Variants in DLG2 observed in about 807,000 individuals in gnomAD.
DLG2 encodes discs large MAGUK scaffold protein 2.
A neutral mutation model predicts 132.5 loss-of-function variants in DLG2; 45 were observed. The observed-to-expected ratio is 0.34, with a 90% CI of 0.27 to 0.44. DLG2 has a LOEUF of 0.44. DLG2 is among the 20% of genes least tolerant of loss of function. DLG2 has a pLI of 1.00. For missense variants in DLG2, 1,045 were observed against 1,196.9 expected, an observed-to-expected ratio of 0.87 and a Z score of 1.87; for synonymous variants, 424 against 419.6, an observed-to-expected ratio of 1.01 and a Z score of -0.13.
chr11:85,498,397 G>A (rs998369418), intron 3 of DLG2, among the ~76,000 whole-genome samples: 1 of 152,144 alleles, frequency 6.6e-6, no homozygotes, highest in African/African-American at 2.4e-5. Flanking sequence ...AAATATATAT[G>A]CACCCAATAC....
At chr11:85,610,876 C>T (rs549115864) in intron 2 of DLG2, among the ~76,000 whole-genome samples, 5 of 152,294 alleles carry the variant, frequency 3.3e-5, no homozygotes, top group Admixed American at 2.6e-4. Flanking sequence ...CTTGGAATCA[C>T]GGGCTTTTGC....
chr11:85,469,181 C>G (rs945918790), intron 3 of DLG2, among the ~76,000 whole-genome samples: 11 of 152,296 alleles, frequency 7.2e-5, no homozygotes, highest in Admixed American at 4.6e-4. Flanking sequence ...AAATATAGCT[C>G]AAATATGACT....
intron 3 of DLG2, among the ~76,000 whole-genome samples, chr11:85,483,892 CA>C (rs5793164): frequency 0.092 from 7,815 of 85,184 alleles, 215 homozygotes; most frequent in Admixed American, 0.12. Flanking sequence ...TGCAGTGAGC[CA>C]AAAAAAAAAA....
chr11:84,131,343 A>T (rs991552274), intron 9 of DLG2, among the ~76,000 whole-genome samples: 1 of 151,982 alleles, frequency 6.6e-6, no homozygotes, highest in Non-Finnish European at 1.5e-5. Flanking sequence ...CATCTTCTAA[A>T]GTAGGTCTGA....
chr11:85,042,115 T>G (rs917582376), intron 6 of DLG2, among the ~76,000 whole-genome samples: 2 of 151,898 alleles, frequency 1.3e-5, no homozygotes, highest in Non-Finnish European at 2.9e-5. Flanking sequence ...AAAAAAGGAA[T>G]GCAATTGGAG....
intron 15 of DLG2, among the ~76,000 whole-genome samples, chr11:83,892,894 C>T (rs1211267862): frequency 6.6e-6 from 1 of 152,090 alleles, no homozygotes; most frequent in African/African-American, 2.4e-5. Context: ...AAAATAAAGA[C>T]CATGATCTTC....
chr11:85,496,651 G>A (rs1024225325), intron 3 of DLG2, among the ~76,000 whole-genome samples: 1 of 152,092 alleles, frequency 6.6e-6, no homozygotes, highest in Non-Finnish European at 1.5e-5. Flanking sequence ...AGCCTGACTG[G>A]GAGACACCTC....
chr11:84,979,028 A>T (rs2055339346), intron 6 of DLG2, among the ~76,000 whole-genome samples: 1 of 152,192 alleles, frequency 6.6e-6, no homozygotes, highest in Non-Finnish European at 1.5e-5. Flanking sequence ...TCAAAATAAG[A>T]CATTTATGCA....
intron 6 of DLG2, chr11:84,923,454 G>A: frequency 4.3e-6 from 4 of 932,934 alleles, no homozygotes; most frequent in Non-Finnish European, 5.1e-6. Flanking sequence ...AAGGAGGGGG[G>A]AATGAGCTCA....
At chr11:84,850,648 A>G (rs980278929) in intron 6 of DLG2, among the ~76,000 whole-genome samples, 4 of 152,162 alleles carry the variant, frequency 2.6e-5, no homozygotes, top group Non-Finnish European at 5.9e-5. Flanking sequence ...TATACAGAGT[A>G]TCTTAAAGAA....
chr11:84,218,683 G>T (rs999440937), intron 8 of DLG2, among the ~76,000 whole-genome samples: 5 of 152,176 alleles, frequency 3.3e-5, no homozygotes, highest in African/African-American at 1.2e-4. Flanking sequence ...CAGTGATCAG[G>T]AATACATATA....
chr11:85,055,517 A>C (rs1463812861), intron 6 of DLG2, among the ~76,000 whole-genome samples: 1 of 152,184 alleles, frequency 6.6e-6, no homozygotes, highest in Non-Finnish European at 1.5e-5. Context: ...AGCTGAACAG[A>C]GAGCTGACAG....
At chr11:85,380,097 A>T (rs999006552) in intron 3 of DLG2, among the ~76,000 whole-genome samples, 15 of 152,206 alleles carry the variant, frequency 9.9e-5, no homozygotes, top group Non-Finnish European at 1.5e-5. Flanking sequence ...TCACCTAAAT[A>T]TCACCCACAG....
At chr11:83,780,047 T>C (rs1166695024) in intron 18 of DLG2, among the ~76,000 whole-genome samples, 1 of 152,192 alleles carries the variant, frequency 6.6e-6, no homozygotes, top group Non-Finnish European at 1.5e-5. Context: ...AGCTGGACTT[T>C]AAAAATCTTT....
intron 6 of DLG2, among the ~76,000 whole-genome samples, chr11:84,704,613 C>T (rs188577128): frequency 1.3e-5 from 2 of 151,252 alleles, no homozygotes; most frequent in Non-Finnish European, 3.0e-5. Context: ...AGTATACAAC[C>T]TAAATTTTCT....
At chr11:85,409,623 C>G (rs2089132558) in intron 3 of DLG2, among the ~76,000 whole-genome samples, 1 of 151,812 alleles carries the variant, frequency 6.6e-6, no homozygotes, top group Non-Finnish European at 1.5e-5. Context: ...GAATCTTGAA[C>G]TCACTTCCAA....
chr11:84,510,547 TC>T (rs1220476506), intron 7 of DLG2, among the ~76,000 whole-genome samples: 1 of 152,186 alleles, frequency 6.6e-6, no homozygotes, highest in East Asian at 1.9e-4. Context: ...TTTATTTTTT[TC>T]ATTTGTAAAA....
intron 3 of DLG2, among the ~76,000 whole-genome samples, chr11:85,566,755 T>C (rs987159392): frequency 6.6e-6 from 1 of 151,814 alleles, no homozygotes; most frequent in Non-Finnish European, 1.5e-5. Flanking sequence ...ATTCGGCCCA[T>C]TGCAAAGATC....
Position 83,712,254 on chromosome 11 carries a change from C to T in DLG2, c.1825+74436G>A, listed in dbSNP as rs905396737. On this transcript the variant is annotated intron_variant, in intron 18 of 27. Coordinates refer to ENST00000376104, the MANE Select transcript of DLG2 (RefSeq NM_001142699.3). ...ATTCACAATAGTAAAGACGTGGAAT[C>T]AACCTAAATGCCCATCAATGATAGA... Among the ~76,000 whole-genome samples the T allele has an allele frequency of 3.9e-5, 6 of 152,302 alleles. No individual in the cohort carries two copies. In the East Asian group the frequency reaches 9.6e-4, roughly 24 times the overall value.
Sources: allele counts gnomAD v4.1 joint callset (sites outside exome capture counted in the v4.1 genomes callset), GRCh38; gene constraint gnomAD v4.1.1; transcripts MANE v1.5; gene names NCBI Gene and HGNC (gene_info 2026-07-23, HGNC 2026-07-21).